IL1RAPL1: variants seen among roughly 807,000 people sequenced by gnomAD.
IL1RAPL1 encodes the protein interleukin 1 receptor accessory protein like 1, also known as interleukin-1 receptor accessory protein-like 1.
Under a neutral mutation model 48.4 loss-of-function variants are expected in IL1RAPL1, and 3 were observed. That is an observed-to-expected ratio of 0.06 (90% CI 0.03 to 0.16). The LOEUF is 0.16. Among genes scored for constraint, IL1RAPL1 ranks in the 10% least tolerant of loss-of-function variants. The pLI is 1.00. For synonymous variants in IL1RAPL1, 185 were observed against 187.7 expected (o/e 0.99, Z 0.12); for missense variants, 349 against 530.6 (o/e 0.66, Z 3.36).
At chrX:29,623,404 T>C (rs1924527178) in intron 5 of IL1RAPL1, among the ~76,000 whole-genome samples, 1 of 112,354 alleles carries the variant, frequency 8.9e-6, no homozygotes, top group Admixed American at 9.4e-5. Context: ...CTCAGTTTAC[T>C]TATGTTTCTT....
intron 1 of IL1RAPL1, among the ~76,000 whole-genome samples, chrX:28,779,618 ATGTG>A (rs753071924): frequency 0.18 from 6,217 of 34,637 alleles, 482 homozygotes; most frequent in Middle Eastern, 0.31. Flanking sequence ...TGATACTATT[ATGTG>A]TGTGTGTGTG....
intron 6 of IL1RAPL1, among the ~76,000 whole-genome samples, chrX:29,766,708 T>TA (rs1404678471): frequency 2.0e-5 from 2 of 99,821 alleles, no homozygotes; most frequent in Admixed American, 2.4e-4. Context: ...ATATAATATA[T>TA]AATATATGAT....
At chrX:28,918,311 T>A (rs1331577078) in intron 2 of IL1RAPL1, among the ~76,000 whole-genome samples, 1 of 112,255 alleles carries the variant, frequency 8.9e-6, no homozygotes, top group Admixed American at 9.5e-5. Context: ...ACCAGAGGCA[T>A]TTACTCAGAA....
chrX:29,909,850 G>A (rs926843955), intron 6 of IL1RAPL1, among the ~76,000 whole-genome samples: 4 of 111,945 alleles, frequency 3.6e-5, no homozygotes, highest in Non-Finnish European at 7.5e-5. Context: ...GTGGAAAGCA[G>A]TTTGATTTCT....
At chrX:28,927,058 G>C (rs1923762179) in intron 2 of IL1RAPL1, among the ~76,000 whole-genome samples, 2 of 110,682 alleles carry the variant, frequency 1.8e-5, no homozygotes, top group Non-Finnish European at 1.9e-5. Context: ...CCACGCCTGG[G>C]TAATTTTTAA....
chrX:28,768,738 T>A (rs1936274045), intron 1 of IL1RAPL1, among the ~76,000 whole-genome samples: 1 of 68,552 alleles, frequency 1.5e-5, no homozygotes, highest in African/African-American at 6.0e-5. Flanking sequence ...TGTCTCTCTC[T>A]CTCTCTCTCT....
intron 1 of IL1RAPL1, among the ~76,000 whole-genome samples, chrX:28,632,099 T>C (rs1049223822): frequency 1.8e-5 from 2 of 112,516 alleles, no homozygotes; most frequent in Non-Finnish European, 3.8e-5. Context: ...GCTGCCATAA[T>C]AAAATACCAC....
At chrX:28,815,841 A>ATG (rs1331794644) in intron 2 of IL1RAPL1, among the ~76,000 whole-genome samples, 427 of 21,008 alleles carry the variant, frequency 0.02, 7 homozygotes, top group African/African-American at 0.086. Flanking sequence ...GTGTTTATGT[A>ATG]TATATATATA....
At chrX:29,477,780 A>G (rs958884467) in intron 5 of IL1RAPL1, among the ~76,000 whole-genome samples, 2 of 112,231 alleles carry the variant, frequency 1.8e-5, no homozygotes, top group Admixed American at 1.9e-4. Flanking sequence ...CAGTCTGGCT[A>G]CAAAGTTCCT....
At chrX:29,263,982 A>T (rs1931908932) in intron 2 of IL1RAPL1, among the ~76,000 whole-genome samples, 2 of 110,315 alleles carry the variant, frequency 1.8e-5, no homozygotes, top group South Asian at 7.8e-4. Flanking sequence ...AGAAGTAGAA[A>T]CATATGCTGC....
intron 6 of IL1RAPL1, among the ~76,000 whole-genome samples, chrX:29,745,964 T>A (rs971008883): frequency 1.8e-5 from 2 of 112,017 alleles, no homozygotes; most frequent in Admixed American, 1.9e-4. Flanking sequence ...TTTTTTTCTA[T>A]GCATACACAG....
At chrX:28,593,566 A>G (rs755472596) in intron 1 of IL1RAPL1, among the ~76,000 whole-genome samples, 4 of 111,594 alleles carry the variant, frequency 3.6e-5, no homozygotes, top group South Asian at 3.7e-4. Flanking sequence ...TAAATTTAAG[A>G]GTTAAACTAG....
chrX:29,649,237 A>G (rs1925436613), intron 5 of IL1RAPL1, among the ~76,000 whole-genome samples: 1 of 111,902 alleles, frequency 8.9e-6, no homozygotes, highest in South Asian at 3.7e-4. Flanking sequence ...AATACCTCCT[A>G]AATCATTCTG....
chrX:29,100,402 C>G (rs1481698440), intron 2 of IL1RAPL1, among the ~76,000 whole-genome samples: 1 of 111,168 alleles, frequency 9.0e-6, no homozygotes, highest in East Asian at 2.8e-4. Flanking sequence ...GAGTTACAGT[C>G]TGGAGCTTGC....
intron 2 of IL1RAPL1, among the ~76,000 whole-genome samples, chrX:28,794,122 A>G (rs1485104886): frequency 1.8e-5 from 2 of 111,413 alleles, no homozygotes; most frequent in African/African-American, 3.3e-5. Context: ...AGCAATCAGT[A>G]TAATGTATAA....
At chrX:29,237,511 C>G (rs1391775010) in intron 2 of IL1RAPL1, among the ~76,000 whole-genome samples, 3 of 112,501 alleles carry the variant, frequency 2.7e-5, no homozygotes, top group Non-Finnish European at 5.6e-5. Flanking sequence ...TCGCAATGTA[C>G]ACATCGATAA....
intron 6 of IL1RAPL1, among the ~76,000 whole-genome samples, chrX:29,739,796 C>T (rs1569157580): frequency 9.0e-6 from 1 of 110,641 alleles, no homozygotes; most frequent in East Asian, 2.8e-4. Context: ...TGGTGGCTCG[C>T]ACGTGTAATC....
At chrX:29,093,731 A>G (rs946008766) in intron 2 of IL1RAPL1, among the ~76,000 whole-genome samples, 1 of 112,255 alleles carries the variant, frequency 8.9e-6, no homozygotes, top group Non-Finnish European at 1.9e-5. Context: ...CTTTGCAGCT[A>G]GGGAACTGAG....
At chrX:29,473,591 G>A (rs1343050992) in intron 5 of IL1RAPL1, among the ~76,000 whole-genome samples, 5 of 56,001 alleles carry the variant, frequency 8.9e-5, no homozygotes, top group Non-Finnish European at 1.4e-4. Context: ...TCACTGCCCC[G>A]CCCCCCACCC....
Sources: gnomAD v4.1 joint callset for allele counts (sites outside exome capture counted in the v4.1 genomes callset) on GRCh38, gnomAD v4.1.1 for gene constraint, MANE v1.5 for transcripts, NCBI Gene and HGNC (gene_info 2026-07-23, HGNC 2026-07-21) for gene names.